The following ANO3 variants were observed in gnomAD, a reference collection of about 807,000 sequenced individuals.
The protein encoded by ANO3 is anoctamin-3.
In ANO3, 99 loss-of-function variants were observed where a neutral mutation model predicts 144.8. The ratio of observed to expected loss-of-function variants is 0.68; its 90% CI spans 0.58 to 0.81. The LOEUF (loss-of-function observed/expected upper bound fraction) is 0.81. Among genes scored for constraint, ANO3 ranks in the 30% least tolerant of loss-of-function variants. ANO3 has a pLI of 0.00. For missense variants in ANO3, 905 were observed against 1,202.2 expected, an observed-to-expected ratio of 0.75 and a Z score of 3.66; for synonymous variants, 414 against 392.6, an observed-to-expected ratio of 1.05 and a Z score of -0.64.
At chr11:26,659,859 CATTCTATGTG>C (rs1395538223) in intron 26 of ANO3, among the ~76,000 whole-genome samples, 1 of 152,038 alleles carries the variant, frequency 6.6e-6, no homozygotes, top group East Asian at 1.9e-4. Flanking sequence ...AGGCAGACTG[CATTCTATGTG>C]GTTTACATGA....
At chr11:26,218,742 G>GT (rs1419858654) in intron 1 of ANO3, among the ~76,000 whole-genome samples, 1 of 151,994 alleles carries the variant, frequency 6.6e-6, no homozygotes, top group African/African-American at 2.4e-5. Flanking sequence ...TTTTTGGTTT[G>GT]TTTTTTGTTT....
intron 6 of ANO3, among the ~76,000 whole-genome samples, chr11:26,522,450 C>A (rs1169977398): frequency 6.6e-6 from 1 of 152,078 alleles, no homozygotes; most frequent in Non-Finnish European, 1.5e-5. Context: ...TTGAGACAAT[C>A]ATTTACTTAT....
intron 1 of ANO3, among the ~76,000 whole-genome samples, chr11:26,372,973 T>C (rs1470826459): frequency 2.6e-5 from 4 of 152,168 alleles, no homozygotes; most frequent in African/African-American, 9.7e-5. Flanking sequence ...AAGGATAACA[T>C]AAAATTGATA....
intron 1 of ANO3, among the ~76,000 whole-genome samples, chr11:26,193,480 T>C (rs1349425364): frequency 6.6e-6 from 1 of 152,154 alleles, no homozygotes; most frequent in Non-Finnish European, 1.5e-5. Flanking sequence ...ACTATCTGTG[T>C]TGTCCATGTT....
chr11:26,433,475 T>A (rs1165826461), intron 1 of ANO3, among the ~76,000 whole-genome samples: 2 of 152,118 alleles, frequency 1.3e-5, no homozygotes, highest in African/African-American at 4.8e-5. Context: ...TTGTGCTTGT[T>A]TTCAAGGGGG....
In ANO3 at chr11:26,559,780, G is replaced by T. The variant is rs1323857164; in HGVS notation, c.1447+1G>T. On this transcript the variant is annotated splice_donor_variant, in intron 14 of 26. Coordinates refer to ENST00000256737, the MANE Select transcript of ANO3 (RefSeq NM_031418.4). LOFTEE classifies it high-confidence loss of function. The stretch of plus-strand genomic sequence containing the variant: ...TTTGCTATTTTTATGGCAATATGGG[G>T]TAAGTACTTTCTTCATTACTTTCTA... 6.2e-7 allele frequency: 1 copy of T among 1,603,508 alleles called. No homozygotes were observed. Among genetic ancestry groups the T allele is most frequent in the Non-Finnish European group, 8.5e-7 (1 of 1,171,676 alleles).
chr11:26,455,678 C>T (rs930660070), intron 3 of ANO3, among the ~76,000 whole-genome samples: 4 of 151,992 alleles, frequency 2.6e-5, no homozygotes, highest in African/African-American at 4.8e-5. Flanking sequence ...ATGCCATCCC[C>T]GTCAAGCTAC....
intron 14 of ANO3, among the ~76,000 whole-genome samples, chr11:26,575,792 C>T (rs1000986756): frequency 6.6e-6 from 1 of 152,088 alleles, no homozygotes; most frequent in Non-Finnish European, 1.5e-5. Flanking sequence ...GTACTTGAAG[C>T]TGTTCATAGG....
chr11:26,437,211 C>T (rs1310703155), intron 1 of ANO3, among the ~76,000 whole-genome samples: 11 of 152,298 alleles, frequency 7.2e-5, no homozygotes, highest in East Asian at 1.9e-4. Context: ...TCTAACCTCC[C>T]ACTTTGCTGG....
intron 17 of ANO3, among the ~76,000 whole-genome samples, chr11:26,620,254 G>A (rs1190389492): frequency 6.6e-6 from 1 of 152,082 alleles, no homozygotes; most frequent in African/African-American, 2.4e-5. Flanking sequence ...CTTGTTGCTT[G>A]ACAATCCAAC....
intron 1 of ANO3, among the ~76,000 whole-genome samples, chr11:26,375,526 C>T (rs1346362855): frequency 3.9e-5 from 6 of 152,256 alleles, no homozygotes; most frequent in South Asian, 2.1e-4. Flanking sequence ...CAGAATGAAT[C>T]GGTGAGTTAT....
chr11:26,590,263 G>A lies in ANO3; in HGVS notation c.1448-8102G>A, dbSNP rs538997027. Reference sequence around the variant, plus strand: ...ATATTTGTCAAATATATTATTGCCAGTATCAGGCCTTTTATGGCGATTATT... The same window carrying A: ...ATATTTGTCAAATATATTATTGCCAATATCAGGCCTTTTATGGCGATTATT... On this transcript the variant is annotated intron_variant, in intron 14 of 26. Transcript: ENST00000256737. Among the ~76,000 whole-genome samples, 38 of 152,328 alleles carry A rather than the reference G, an allele frequency of 2.5e-4. No homozygotes were observed. The South Asian group carries it at 7.7e-3, about 31-fold the overall frequency.
rs140821362 is a variant in ANO3, at chr11:26,244,701, A to T, written c.154+55371A>T. ...TTGCCATAGTTCTTTTTTTATTTTG[A>T]TGAAAATTTAAGTCCAAATGGCAAT... On this transcript the variant is annotated intron_variant, in intron 1 of 27. Transcript: ENST00000672621. Among the ~76,000 whole-genome samples the T allele has an allele frequency of 2.8e-3, 422 of 152,248 alleles. 1 individual carries two copies. The highest frequency in any genetic ancestry group is 9.7e-3 in the African/African-American group (403 of 41,550).
intron 1 of ANO3, among the ~76,000 whole-genome samples, chr11:26,223,476 T>C (rs1852191338): frequency 6.6e-6 from 1 of 151,882 alleles, no homozygotes; most frequent in Non-Finnish European, 1.5e-5. Context: ...TTCTGAGCCC[T>C]CCAGATTCTT....
chr11:26,607,959 C>G (rs1412388137), intron 17 of ANO3, among the ~76,000 whole-genome samples: 1 of 152,194 alleles, frequency 6.6e-6, no homozygotes, highest in Non-Finnish European at 1.5e-5. Flanking sequence ...ATCCTTTGTC[C>G]AGTTCTGTGC....
At chr11:26,540,851 G>A (rs1045858702) in intron 10 of ANO3, among the ~76,000 whole-genome samples, 3 of 152,142 alleles carry the variant, frequency 2.0e-5, no homozygotes, top group Admixed American at 2.0e-4. Flanking sequence ...GTTGGTGGGA[G>A]TGTAAATTAG....
intron 17 of ANO3, among the ~76,000 whole-genome samples, chr11:26,603,755 C>T (rs1274316148): frequency 6.6e-6 from 1 of 152,088 alleles, no homozygotes; most frequent in Non-Finnish European, 1.5e-5. Flanking sequence ...AAATGTGGCA[C>T]ACCCTTTTGA....
chr11:26,546,647 C>A (rs1362515745), intron 11 of ANO3, among the ~76,000 whole-genome samples: 1 of 151,886 alleles, frequency 6.6e-6, no homozygotes, highest in African/African-American at 2.4e-5. Context: ...GTGAAGAAAG[C>A]GCAACTGAGT....
intron 3 of ANO3, among the ~76,000 whole-genome samples, chr11:26,462,010 T>C (rs1256866165): frequency 6.6e-6 from 1 of 151,990 alleles, no homozygotes; most frequent in Admixed American, 6.6e-5. Context: ...ATATGACCTA[T>C]ATAATTTTAG....
Sources: gnomAD v4.1 joint callset for allele counts (sites outside exome capture counted in the v4.1 genomes callset) on GRCh38, gnomAD v4.1.1 for gene constraint, MANE v1.5 for transcripts, NCBI Gene and HGNC (gene_info 2026-07-23, HGNC 2026-07-21) for gene names.